THOC2: variants seen among roughly 807,000 people sequenced by gnomAD.
The protein encoded by THOC2 is THO complex subunit 2.
A neutral mutation model predicts 128.4 loss-of-function variants in THOC2; 10 were observed. That is an observed-to-expected ratio of 0.08 (90% CI 0.05 to 0.13). The LOEUF (loss-of-function observed/expected upper bound fraction) is 0.13, where lower values mean the gene tolerates loss of function less well. THOC2 is among the 10% of genes least tolerant of loss of function. The probability of loss-of-function intolerance (pLI) is 1.00; values close to 1 mark genes in which losing one functional copy is unlikely to be tolerated. For missense variants in THOC2, 535 were observed against 1,155.7 expected, an observed-to-expected ratio of 0.46 and a Z score of 7.79; for synonymous variants, 393 against 396.9, an observed-to-expected ratio of 0.99 and a Z score of 0.12.
chrX:123,603,173 C>T, intron 38 of THOC2: 1 of 117,015 alleles, frequency 8.5e-6, no homozygotes, highest in Non-Finnish European at 1.8e-5. Context: ...CATAAAGGTG[C>T]CACGTTACAA....
At chrX:123,672,933 T>C (rs1158857839) in intron 8 of THOC2, among the ~76,000 whole-genome samples, 3 of 112,748 alleles carry the variant, frequency 2.7e-5, no homozygotes, top group Non-Finnish European at 5.6e-5. Context: ...ATTATGCAAA[T>C]AAAATACAAA....
At chrX:123,668,628 T>A (rs1014530239) in intron 9 of THOC2, among the ~76,000 whole-genome samples, 1 of 111,995 alleles carries the variant, frequency 8.9e-6, no homozygotes, top group Non-Finnish European at 1.9e-5. Flanking sequence ...AGAAAATATA[T>A]AGCAGTTCCA....
intron 9 of THOC2, among the ~76,000 whole-genome samples, chrX:123,670,889 T>C (rs2049251450): frequency 1.8e-5 from 2 of 112,181 alleles, no homozygotes; most frequent in South Asian, 7.5e-4. Flanking sequence ...GACCAAGTTT[T>C]ACTCAACTCT....
chrX:123,667,264 T>G lies in THOC2; in HGVS notation c.1032A>C (p.Gln344His). Residue 344 changes from glutamine (Q) to histidine (H), a missense_variant, in exon 11 of 39, where the codon CAA becomes CAC. Transcript: ENST00000245838. ...ATAAGGCTTCCAACAAGCCAAGTTT[T>G]TGGTTATCAGGTGGCTAAAAATGAA... ...EEKVEKPPDN[Q>H]KLGLLEALLK... 1 of 1,200,826 alleles carries G rather than the reference T, an allele frequency of 8.3e-7. No homozygotes were observed.
chrX:123,678,775 C>T (rs2049624407), intron 8 of THOC2, among the ~76,000 whole-genome samples: 1 of 109,986 alleles, frequency 9.1e-6, no homozygotes, highest in Non-Finnish European at 1.9e-5. Flanking sequence ...CATAACTGTA[C>T]TTCCCTACCT....
At chrX:123,633,489 G>T (rs185251499) in intron 20 of THOC2, among the ~76,000 whole-genome samples, 1 of 111,336 alleles carries the variant, frequency 9.0e-6, no homozygotes, top group Admixed American at 9.6e-5. Flanking sequence ...TGCAACCTCC[G>T]CCTCCTGGGT....
chrX:123,730,125 A>C, intron 1 of THOC2, among the ~76,000 whole-genome samples: 1 of 111,443 alleles, frequency 9.0e-6, no homozygotes, highest in Non-Finnish European at 1.9e-5. Context: ...CATACACGTA[A>C]GTTCTAATAA....
chrX:123,630,637 A>T (rs1426433879), intron 22 of THOC2, among the ~76,000 whole-genome samples: 1 of 108,379 alleles, frequency 9.2e-6, no homozygotes, highest in East Asian at 2.9e-4. Context: ...AAAAAAAAAA[A>T]AAATCTGGGC....
rs2047494642 is a variant in THOC2, at chrX:123,631,788, A to G, written c.2381T>C (p.Ile794Thr). The change falls in exon 22 of 39, where the codon ATA becomes ACA. Residue 794 changes from isoleucine (I) to threonine (T), a missense_variant. Coordinates refer to ENST00000245838, the MANE Select transcript of THOC2 (RefSeq NM_001081550.2). ...TACATCAATTGAAGGCACTCGCTTT[A>G]TATAATCTTCTGTGCTCAGATTAGA... ...LASNLSTEDY[I>T]KRVPSIDVLC... 2 of 1,209,540 alleles carry G rather than the reference A, an allele frequency of 1.7e-6. No homozygotes were observed. The highest frequency in any genetic ancestry group is 2.2e-6 in the Non-Finnish European group (2 of 893,575).
chrX:123,686,692 A>G lies in THOC2; in HGVS notation c.624T>C (p.Asn208=), dbSNP rs200371449. The G allele has an allele frequency of 9.2e-6, 11 of 1,191,800 alleles. No individual in the cohort carries two copies. The highest frequency in any genetic ancestry group is 2.3e-6 in the Non-Finnish European group (2 of 884,777). ...CTTCTAAAATGACATCCAAAACTCT[A>G]TTGGGATCCAGATTAAAGCATCCTG... The part of the protein sequence containing the change: ...SLIGCFNLDP[N]RVLDVILEVF... The change falls in exon 8 of 39, where the codon AAT becomes AAC. Residue 208 remains asparagine, a synonymous_variant. Transcript: ENST00000245838.
chrX:123,718,862 G>A (rs1308495859), intron 1 of THOC2, among the ~76,000 whole-genome samples: 2 of 110,706 alleles, frequency 1.8e-5, no homozygotes, highest in African/African-American at 3.3e-5. Flanking sequence ...CAAATATGGG[G>A]TTAATATCCA....
chrX:123,637,978 A>G, intron 18 of THOC2, 65 bp downstream of exon 18: 1 of 807,165 alleles, frequency 1.2e-6, no homozygotes, highest in Non-Finnish European at 1.8e-6. Flanking sequence ...CATCGGTAAT[A>G]AAATGCATAA....
intron 1 of THOC2, among the ~76,000 whole-genome samples, chrX:123,716,628 C>A (rs2147966069): frequency 9.2e-6 from 1 of 108,387 alleles, no homozygotes; most frequent in East Asian, 2.9e-4. Flanking sequence ...TCTCGGGAGG[C>A]TGAGCCAGGA....
chrX:123,644,091 G>C (rs952715184), intron 15 of THOC2, among the ~76,000 whole-genome samples: 5 of 112,170 alleles, frequency 4.5e-5, no homozygotes, highest in African/African-American at 1.6e-4. Flanking sequence ...GAAAATAAAA[G>C]TGTACAAATT....
intron 2 of THOC2, among the ~76,000 whole-genome samples, chrX:123,708,338 G>C (rs1270416068): frequency 9.0e-6 from 1 of 111,118 alleles, no homozygotes; most frequent in Non-Finnish European, 1.9e-5. Flanking sequence ...CTATATCTAC[G>C]TTGTGCTTTT....
Position 123,703,890 on chromosome X carries a change from TAAAAAAAAA to T in THOC2, c.223-394_223-386del, listed in dbSNP as rs774877149. ...TGGGCAACAGAGGAAACTCTGTCTT[TAAAAAAAAA>T]AAAAAAAAAAAAAATTGATTTCCAG... On this transcript the variant is annotated intron_variant, in intron 3 of 38. Transcript: ENST00000245838. Among the ~76,000 whole-genome samples, 35 of 37,009 alleles carry T rather than the reference TAAAAAAAAA, an allele frequency of 9.5e-4. 1 individual carries two copies. The South Asian group carries it at 0.032, about 34-fold the overall frequency. The allele number at this position is 37,009 out of a possible 115,157, so 32.1% of individuals were successfully genotyped here. A position where few individuals can be genotyped will look rare whatever the true frequency, so the allele number is the denominator to read the frequency against.
intron 12 of THOC2, among the ~76,000 whole-genome samples, chrX:123,656,225 A>C: frequency 9.5e-6 from 1 of 105,060 alleles, no homozygotes; most frequent in Non-Finnish European, 1.9e-5. Context: ...GAGGAGGCTG[A>C]GGCAGGAGAA....
chrX:123,715,806 T>C (rs1353334625), intron 1 of THOC2, among the ~76,000 whole-genome samples: 1 of 78,828 alleles, frequency 1.3e-5, no homozygotes, highest in Non-Finnish European at 2.5e-5. Context: ...AAAAAGAAAA[T>C]GAAAATGAAA....
chrX:123,677,461 A>AT (rs566552109), intron 8 of THOC2, among the ~76,000 whole-genome samples: 7 of 112,329 alleles, frequency 6.2e-5, no homozygotes, highest in South Asian at 3.7e-4. Flanking sequence ...GTTTTTTAAT[A>AT]TTTTTTTAAC....
Sources: allele counts gnomAD v4.1 joint callset (sites outside exome capture counted in the v4.1 genomes callset), GRCh38; gene constraint gnomAD v4.1.1; transcripts MANE v1.5; gene names NCBI Gene and HGNC (gene_info 2026-07-23, HGNC 2026-07-21).